Variants in NINJ2 observed in about 807,000 individuals in gnomAD.
The protein encoded by NINJ2 is ninjurin-2.
In NINJ2, 12 loss-of-function variants were observed where a neutral mutation model predicts 11.7. The observed-to-expected ratio is 1.02, with a 90% CI of 0.66 to 1.66. NINJ2 has a LOEUF of 1.66. Among genes scored for constraint, NINJ2 ranks in the 40% most tolerant of loss-of-function variants. The pLI is 0.00. For synonymous variants in NINJ2, 93 were observed against 76.8 expected (o/e 1.21, Z -1.10); for missense variants, 187 against 181.8 (o/e 1.03, Z -0.16).
chr12:586,884 C>T (rs4980945), intron 1 of NINJ2, among the ~76,000 whole-genome samples: 40,528 of 152,072 alleles, frequency 0.27, 5,727 homozygotes, highest in South Asian at 0.37. Context: ...CTGTTGCCCA[C>T]GGGGGACGCC....
At chr12:569,285 C>T (rs1413320403) in intron 1 of NINJ2, among the ~76,000 whole-genome samples, 1 of 152,208 alleles carries the variant, frequency 6.6e-6, no homozygotes, top group African/African-American at 2.4e-5. Context: ...GGCCCATGGT[C>T]GCCGTCAGCC....
intron 1 of NINJ2, among the ~76,000 whole-genome samples, chr12:618,702 C>T (rs1370741194): frequency 7.9e-5 from 12 of 152,210 alleles, no homozygotes; most frequent in Admixed American, 7.8e-4. Flanking sequence ...GCCGAATTGC[C>T]TCTTATCGCA....
At chr12:607,864 C>A (rs1472850166) in intron 1 of NINJ2, among the ~76,000 whole-genome samples, 1 of 152,212 alleles carries the variant, frequency 6.6e-6, no homozygotes, top group Admixed American at 6.5e-5. Context: ...TAGGAAATCA[C>A]GTCCTCATTC....
intron 1 of NINJ2, among the ~76,000 whole-genome samples, chr12:615,298 C>CA (rs1366990300): frequency 3.9e-5 from 6 of 152,176 alleles, no homozygotes; most frequent in Non-Finnish European, 7.3e-5. Flanking sequence ...CCTTCTCGTT[C>CA]TTTTCTCTAC....
At chr12:567,232 G>A (rs1947312856) in intron 1 of NINJ2, among the ~76,000 whole-genome samples, 1 of 151,510 alleles carries the variant, frequency 6.6e-6, no homozygotes, top group African/African-American at 2.4e-5. Context: ...GCAGAGTGGG[G>A]AGAGACGGAT....
At chr12:653,848 A>C (rs1244705637) in intron 1 of NINJ2, among the ~76,000 whole-genome samples, 4 of 152,232 alleles carry the variant, frequency 2.6e-5, no homozygotes, top group African/African-American at 9.6e-5. Flanking sequence ...CAGGATGGAC[A>C]CAAAAAGAAG....
intron 1 of NINJ2, among the ~76,000 whole-genome samples, chr12:629,896 A>AATATATATATAT (rs1160871577): frequency 2.6e-3 from 26 of 9,874 alleles, no homozygotes; most frequent in East Asian, 0.022. Context: ...AAAAAAAAAA[A>AATATATATATAT]ATATATATAT....
At chr12:610,492 C>T in intron 1 of NINJ2, 1 of 1,526,028 alleles carries the variant, frequency 6.6e-7, no homozygotes, top group South Asian at 1.2e-5. Context: ...GCACAGCCTT[C>T]TGCCCCCGTG....
Position 604,194 on chromosome 12 carries a change from G to A in NINJ2, c.34-38016C>T, listed in dbSNP as rs147975926. Among the ~76,000 whole-genome samples, 149 of 152,308 alleles carry A rather than the reference G, an allele frequency of 9.8e-4. 2 individuals are homozygous for A. In the East Asian group the frequency reaches 0.024, roughly 24 times the overall value. ...GTCTGCTGGGGTTTTGATGGGAACC[G>A]CATTAAATCTGTAGACCAATTTGGG... is the stretch of plus-strand genomic sequence containing the variant. On this transcript the variant is annotated intron_variant, in intron 1 of 3. Coordinates refer to ENST00000305108, the MANE Select transcript of NINJ2 (RefSeq NM_016533.6).
In NINJ2 at chr12:594,826, C is replaced by T. The variant is rs867450458; in HGVS notation, c.34-28648G>A. 4.6e-5 allele frequency among the ~76,000 whole-genome samples: 7 copies of T among 151,978 alleles called. No individual in the cohort carries two copies. The South Asian group carries it at 6.2e-4, about 14-fold the overall frequency. On this transcript the variant is annotated intron_variant, in intron 1 of 3. Coordinates refer to ENST00000305108, the MANE Select transcript of NINJ2 (RefSeq NM_016533.6). ...AGTTATTTTGTAGATATCAACAAACCGATTCTAAAGTTTACATAGAGAGGC... is the reference window on the plus strand; with the variant it reads ...AGTTATTTTGTAGATATCAACAAACTGATTCTAAAGTTTACATAGAGAGGC...
At chr12:653,014 G>C (rs1188447622) in intron 1 of NINJ2, among the ~76,000 whole-genome samples, 2 of 116,696 alleles carry the variant, frequency 1.7e-5, no homozygotes, top group South Asian at 2.8e-4. Context: ...GTAATATTTT[G>C]TTTCTTTTTT....
intron 1 of NINJ2, among the ~76,000 whole-genome samples, chr12:596,935 A>C (rs1592086169): frequency 2.6e-5 from 4 of 151,992 alleles, no homozygotes; most frequent in South Asian, 4.2e-4. Flanking sequence ...AAAAAAAACA[A>C]AAAAAAATGG....
chr12:644,506 A>G (rs1304158141), intron 1 of NINJ2: 8 of 152,234 alleles, frequency 5.3e-5, no homozygotes, highest in Admixed American at 5.2e-4. Context: ...AGGGGAGAAT[A>G]GTGTGGGCAG....
At chr12:569,298 A>G (rs1326294149) in intron 1 of NINJ2, among the ~76,000 whole-genome samples, 3 of 152,216 alleles carry the variant, frequency 2.0e-5, no homozygotes, top group Non-Finnish European at 2.9e-5. Context: ...CGTCAGCCCC[A>G]AGGCTGCAAC....
intron 1 of NINJ2, chr12:610,241 G>A (rs1418454892): frequency 3.6e-5 from 33 of 916,860 alleles, no homozygotes; most frequent in South Asian, 1.4e-5. Flanking sequence ...ATGCTTTTGC[G>A]TGAGTGAAAC....
chr12:570,830 T>C (rs1039247080), intron 1 of NINJ2, among the ~76,000 whole-genome samples: 29 of 152,330 alleles, frequency 1.9e-4, no homozygotes, highest in African/African-American at 6.3e-4. Context: ...CTAGGACTGC[T>C]GGTTGCTGGG....
intron 1 of NINJ2, chr12:645,066 T>TA (rs934452245): frequency 2.0e-5 from 3 of 152,190 alleles, no homozygotes; most frequent in Non-Finnish European, 2.9e-5. Context: ...AAGATTAGCA[T>TA]AAAATCATAG....
At chr12:599,279 G>A (rs1947833173) in intron 1 of NINJ2, among the ~76,000 whole-genome samples, 1 of 152,038 alleles carries the variant, frequency 6.6e-6, no homozygotes, top group Admixed American at 6.6e-5. Flanking sequence ...AGCTACTTGC[G>A]GGGCTGAGGC....
intron 1 of NINJ2, among the ~76,000 whole-genome samples, chr12:594,388 T>C (rs1947756243): frequency 6.6e-6 from 1 of 152,214 alleles, no homozygotes; most frequent in Admixed American, 6.5e-5. Flanking sequence ...ACTCCATAAA[T>C]ATGTACAGAT....
Sources: allele counts gnomAD v4.1 joint callset (sites outside exome capture counted in the v4.1 genomes callset), GRCh38; gene constraint gnomAD v4.1.1; transcripts MANE v1.5; gene names NCBI Gene and HGNC (gene_info 2026-07-23, HGNC 2026-07-21).